MEGF11: variants seen among roughly 807,000 people sequenced by gnomAD.
The protein encoded by MEGF11 is multiple epidermal growth factor-like domains protein 11.
A neutral mutation model predicts 146.6 loss-of-function variants in MEGF11; 126 were observed. The observed-to-expected ratio is 0.86, with a 90% confidence interval of 0.74 to 1.00. The LOEUF is 1.00. Ranked by LOEUF, MEGF11 falls within the 50% of genes least tolerant of loss-of-function variation. The pLI is 0.00. For synonymous variants in MEGF11, 532 were observed against 583.4 expected (o/e 0.91, Z 1.27); for missense variants, 1,509 against 1,521.2 (o/e 0.99, Z 0.13).
intron 10 of MEGF11, among the ~76,000 whole-genome samples, chr15:65,936,612 T>A (rs1321632808): frequency 6.6e-6 from 1 of 152,150 alleles, no homozygotes; most frequent in African/African-American, 2.4e-5. Context: ...CTTGGGCAAC[T>A]CCCAGGCAGT....
chr15:65,980,395 C>CTTTTTTTTTT lies in MEGF11; in HGVS notation c.762+373_762+382dup, dbSNP rs60154748. Among the ~76,000 whole-genome samples the CTTTTTTTTTT allele has an allele frequency of 5.1e-4, 45 of 88,200 alleles. 2 individuals are homozygous for CTTTTTTTTTT. The highest frequency in any genetic ancestry group is 2.1e-3 in the African/African-American group (42 of 20,200). 57.9% of individuals were successfully genotyped at this position (88,200 alleles called of 152,430 possible). ...TATTCAGAGTGGGAGAAGAATTCAG[C>CTTTTTTTTTT]TTTTTTTTTTTTTTTTTTTTTTTTG... On this transcript the variant is annotated intron_variant, in intron 7 of 25. Transcript: ENST00000395614.
intron 1 of MEGF11, among the ~76,000 whole-genome samples, chr15:66,176,293 A>G (rs2141132870): frequency 6.6e-6 from 1 of 152,334 alleles, no homozygotes; most frequent in South Asian, 2.1e-4. Context: ...AGGATCCACC[A>G]GTCCCACTGC....
Position 65,922,329 on chromosome 15 carries a change from A to G in MEGF11, c.1957+9T>C. 6.2e-7 allele frequency: 1 copy of G among 1,607,012 alleles called. No homozygotes were observed. Among genetic ancestry groups the G allele is most frequent in the Non-Finnish European group, 8.5e-7 (1 of 1,176,946 alleles). ...TCCCCACCCAGTACCTTCCCACTGGAGACAGTACCTTGGTTGCAGAGAGCT... is the reference window on the plus strand; with the variant it reads ...TCCCCACCCAGTACCTTCCCACTGGGGACAGTACCTTGGTTGCAGAGAGCT... On this transcript the variant is annotated intron_variant, in intron 15 of 25. Transcript: ENST00000395614.
intron 21 of MEGF11, 35 bp from the exon 22 acceptor site, chr15:65,909,841 G>T: frequency 6.6e-7 from 1 of 1,524,968 alleles, no homozygotes; most frequent in Non-Finnish European, 8.8e-7. Context: ...TTAATATCTA[G>T]TGCCCCAGGT....
intron 1 of MEGF11, among the ~76,000 whole-genome samples, chr15:66,164,362 G>T (rs142391867): frequency 6.6e-6 from 1 of 152,156 alleles, no homozygotes; most frequent in Non-Finnish European, 1.5e-5. Flanking sequence ...ATCGCTGCAC[G>T]TGAGGGGCCT....
chr15:66,218,979 C>CGAAAAAAAAA (rs747064597), intron 1 of MEGF11, among the ~76,000 whole-genome samples: 1 of 86,942 alleles, frequency 1.2e-5, no homozygotes, highest in Non-Finnish European at 2.1e-5. Context: ...TATCCACAGG[C>CGAAAAAAAAA]AAAAAAAAAA....
chr15:65,908,813 C>G (rs1297699490), intron 23 of MEGF11, among the ~76,000 whole-genome samples: 1 of 152,164 alleles, frequency 6.6e-6, no homozygotes, highest in African/African-American at 2.4e-5. Flanking sequence ...TTGTTCACAT[C>G]CACCGTTCAC....
intron 1 of MEGF11, among the ~76,000 whole-genome samples, chr15:66,253,138 C>T (rs1035891100): frequency 6.6e-5 from 10 of 152,348 alleles, no homozygotes; most frequent in Non-Finnish European, 1.3e-4. Context: ...TCCCCGCAGG[C>T]TCTGCCTCCC....
At chr15:66,044,864 A>G (rs1246165196) in intron 5 of MEGF11, among the ~76,000 whole-genome samples, 2 of 149,994 alleles carry the variant, frequency 1.3e-5, no homozygotes, top group Non-Finnish European at 3.0e-5. Flanking sequence ...AAAAAAAAAA[A>G]AAAAAAAAAA....
At chr15:65,968,336 G>A (rs1174205231) in intron 8 of MEGF11, among the ~76,000 whole-genome samples, 1 of 152,176 alleles carries the variant, frequency 6.6e-6, no homozygotes, top group African/African-American at 2.4e-5. Context: ...GGCCTCGAAT[G>A]TCTCAAATGT....
chr15:65,965,106 C>T lies in MEGF11; in HGVS notation c.914G>A (p.Cys305Tyr). 6.3e-7 allele frequency: 1 copy of T among 1,591,994 alleles called. No homozygotes were observed. Among genetic ancestry groups the T allele is most frequent in the Non-Finnish European group, 8.6e-7 (1 of 1,167,180 alleles). Reference sequence around the variant, plus strand: ...CTGGAAGCCGAAGGACCCGAAGGGGCACTCCTCTTGGCACCTGTGGGAGAG... The same window carrying T: ...CTGGAAGCCGAAGGACCCGAAGGGGTACTCCTCTTGGCACCTGTGGGAGAG... ...GYMGDRCQEE[C>Y]PFGSFGFQCS... Residue 305 changes from cysteine to tyrosine, a missense_variant, in exon 9 of 26, where the codon TGC (cysteine) becomes TAC (tyrosine). Cys to Tyr is a radical substitution (Grantham distance 194). Coordinates refer to ENST00000395614, the MANE Select transcript of MEGF11 (RefSeq NM_001385028.1).
chr15:65,920,488 A>T (rs1000308915), intron 15 of MEGF11, among the ~76,000 whole-genome samples: 1 of 152,066 alleles, frequency 6.6e-6, no homozygotes, highest in Admixed American at 6.5e-5. Context: ...CCCAAAATGA[A>T]CTCTGAGCTT....
In MEGF11 at chr15:65,916,177, G is replaced by A; in HGVS notation, c.2315C>T (p.Thr772Ile). The A allele has an allele frequency of 1.3e-6, 2 of 1,587,344 alleles. No homozygotes were observed. The highest frequency in any genetic ancestry group is 1.7e-6 in the Non-Finnish European group (2 of 1,166,690). ...DHISGKCTCRTGFTGQHCEQR... is the reference protein window; with the variant it reads ...DHISGKCTCRIGFTGQHCEQR... ...CTCACAGTGTTGCCCGGTGAAGCCTGTGCGGCAGGTGCACTTGCCACTGAT... is the reference window on the plus strand; with the variant it reads ...CTCACAGTGTTGCCCGGTGAAGCCTATGCGGCAGGTGCACTTGCCACTGAT... The change falls in exon 18 of 26, where the codon ACA (threonine) becomes ATA (isoleucine). Residue 772 changes from threonine (T) to isoleucine (I), a missense_variant. Thr to Ile is a moderately conservative substitution (Grantham distance 89). Transcript: ENST00000395614.
intron 8 of MEGF11, 128 bp from the exon 9 acceptor site, chr15:65,965,248 T>G: frequency 1.5e-6 from 1 of 680,472 alleles, no homozygotes; most frequent in South Asian, 2.1e-5. Context: ...GCTCACAGCC[T>G]CCTCCCCTTT....
intron 1 of MEGF11, among the ~76,000 whole-genome samples, chr15:66,202,550 G>A (rs1400465821): frequency 1.3e-5 from 2 of 152,166 alleles, no homozygotes; most frequent in African/African-American, 2.4e-5. Context: ...GGGTGGCCCT[G>A]GCCCCAGCAC....
At chr15:66,064,856 T>A (rs977564081) in intron 5 of MEGF11, among the ~76,000 whole-genome samples, 28 of 152,292 alleles carry the variant, frequency 1.8e-4, no homozygotes, top group African/African-American at 6.7e-4. Flanking sequence ...TATGGTTTTT[T>A]AAGTGCTATT....
chr15:65,952,239 G>A (rs1291432301), intron 10 of MEGF11, among the ~76,000 whole-genome samples: 2 of 152,106 alleles, frequency 1.3e-5, no homozygotes, highest in Non-Finnish European at 2.9e-5. Flanking sequence ...GCTACAGATT[G>A]TGGCAGGACT....
intron 4 of MEGF11, among the ~76,000 whole-genome samples, chr15:66,102,734 C>T (rs959283254): frequency 6.6e-6 from 1 of 152,226 alleles, no homozygotes; most frequent in Non-Finnish European, 1.5e-5. Flanking sequence ...TGAGCCAGCA[C>T]ACCCAGCCTA....
At chr15:66,082,442 AAAAAAAAAAAAAAAAAAAAAAAAAATCT>A (rs1287095059) in intron 5 of MEGF11, among the ~76,000 whole-genome samples, 6 of 106,116 alleles carry the variant, frequency 5.7e-5, no homozygotes, top group African/African-American at 2.0e-4. Context: ...AAAAAAAAAA[AAAAAAAAAAAAAAAAAAAAAAAAAATCT>A]ATCTATCTAT....
Sources: gnomAD v4.1 joint callset for allele counts (sites outside exome capture counted in the v4.1 genomes callset) on GRCh38, gnomAD v4.1.1 for gene constraint, MANE v1.5 for transcripts, NCBI Gene and HGNC (gene_info 2026-07-23, HGNC 2026-07-21) for gene names.